Variants in ESR1 observed in about 807,000 individuals in gnomAD.
ESR1 encodes estrogen receptor.
Under a neutral mutation model 52.7 loss-of-function variants are expected in ESR1, and 12 were observed. The ratio of observed to expected loss-of-function variants is 0.23; its 90% CI spans 0.15 to 0.37. The LOEUF is 0.37. Among genes scored for constraint, ESR1 ranks in the 10% least tolerant of loss-of-function variants. ESR1 has a pLI of 1.00. For synonymous variants in ESR1, 305 were observed against 316.8 expected (o/e 0.96, Z 0.39); for missense variants, 584 against 779.7 (o/e 0.75, Z 2.99).
chr6:151,808,862 C>T (rs1778324366), intron 1 of ESR1, among the ~76,000 whole-genome samples: 1 of 152,120 alleles, frequency 6.6e-6, no homozygotes, highest in Admixed American at 6.6e-5. Context: ...TTCATCTAGA[C>T]TATTTGATTG....
intron 1 of ESR1, among the ~76,000 whole-genome samples, chr6:151,810,461 T>C (rs1314273460): frequency 6.6e-6 from 1 of 152,176 alleles, no homozygotes; most frequent in African/African-American, 2.4e-5. Flanking sequence ...TTATTTAGTA[T>C]TTTTCCCCTC....
chr6:151,824,923 A>AAAAAAAAAG (rs1781231772), intron 1 of ESR1, among the ~76,000 whole-genome samples: 1 of 151,812 alleles, frequency 6.6e-6, no homozygotes, highest in Non-Finnish European at 1.5e-5. Context: ...TCCATCTCAA[A>AAAAAAAAAG]AAAAAAAAGA....
chr6:152,071,776 C>T (rs557869945), intron 6 of ESR1, among the ~76,000 whole-genome samples: 4 of 152,254 alleles, frequency 2.6e-5, no homozygotes, highest in African/African-American at 4.8e-5. Context: ...CTGTTAAACA[C>T]GTAAGTGATT....
chr6:151,750,097 A>G (rs986583118), intron 2 of ESR1, among the ~76,000 whole-genome samples: 2 of 152,170 alleles, frequency 1.3e-5, no homozygotes, highest in Non-Finnish European at 2.9e-5. Flanking sequence ...CATGTAAACT[A>G]ATACCTACTT....
chr6:151,675,141 G>A (rs1490045455), intron 1 of ESR1, among the ~76,000 whole-genome samples: 4 of 152,164 alleles, frequency 2.6e-5, no homozygotes, highest in African/African-American at 9.7e-5. Flanking sequence ...AGAAGCAAGT[G>A]CTGTTATATT....
intron 2 of ESR1, among the ~76,000 whole-genome samples, chr6:151,868,248 C>T (rs1045147509): frequency 3.3e-5 from 5 of 152,130 alleles, no homozygotes; most frequent in Admixed American, 2.0e-4. Flanking sequence ...CTGCCTCAGC[C>T]TCCCAAGTAG....
intron 1 of ESR1, among the ~76,000 whole-genome samples, chr6:151,831,745 G>C (rs1255899714): frequency 6.6e-6 from 1 of 152,128 alleles, no homozygotes; most frequent in Non-Finnish European, 1.5e-5. Context: ...TACTTTCAAG[G>C]GTTAAATGAA....
chr6:152,007,604 A>G (rs1229549749), intron 4 of ESR1, among the ~76,000 whole-genome samples: 1 of 152,096 alleles, frequency 6.6e-6, no homozygotes, highest in African/African-American at 2.4e-5. Context: ...TGCTTTTAAA[A>G]AACTTTATTT....
At chr6:151,814,802 C>G (rs557380838) in intron 1 of ESR1, among the ~76,000 whole-genome samples, 1 of 152,306 alleles carries the variant, frequency 6.6e-6, no homozygotes, top group African/African-American at 2.4e-5. Context: ...GCAGTTCATG[C>G]AACAGCATTG....
At chr6:151,791,448 C>T (rs1302537604) in intron 2 of ESR1, among the ~76,000 whole-genome samples, 1 of 152,198 alleles carries the variant, frequency 6.6e-6, no homozygotes, top group Non-Finnish European at 1.5e-5. Flanking sequence ...GCCTTCCCAG[C>T]CATGTGGAAC....
chr6:151,725,671 A>G (rs1781784939), intron 2 of ESR1, among the ~76,000 whole-genome samples: 1 of 152,232 alleles, frequency 6.6e-6, no homozygotes, highest in Admixed American at 6.5e-5. Flanking sequence ...TTGTGGCAAC[A>G]TATTGCTTCC....
At chr6:151,897,144 T>C (rs539085432) in intron 3 of ESR1, among the ~76,000 whole-genome samples, 2 of 152,352 alleles carry the variant, frequency 1.3e-5, no homozygotes, top group East Asian at 3.9e-4. Flanking sequence ...ATGAATAGAA[T>C]GTATATTCTG....
intron 2 of ESR1, among the ~76,000 whole-genome samples, chr6:151,796,165 CAAA>C (rs546866561): frequency 6.3e-5 from 5 of 79,032 alleles, no homozygotes; most frequent in Non-Finnish European, 5.0e-5. Flanking sequence ...GACTCCGTCT[CAAA>C]AAAAAAAAAA....
intron 5 of ESR1, among the ~76,000 whole-genome samples, chr6:152,029,167 T>C (rs1249554176): frequency 6.6e-6 from 1 of 151,998 alleles, no homozygotes; most frequent in Admixed American, 6.5e-5. Flanking sequence ...AGACCAAAGG[T>C]AGATAAATCC....
intron 4 of ESR1, among the ~76,000 whole-genome samples, chr6:151,959,896 A>G (rs1248445437): frequency 6.6e-6 from 1 of 152,206 alleles, no homozygotes; most frequent in Non-Finnish European, 1.5e-5. Context: ...ACTACTCTAT[A>G]TGATCACCAA....
At chr6:151,831,423 A>G (rs749271315) in intron 1 of ESR1, among the ~76,000 whole-genome samples, 6 of 152,140 alleles carry the variant, frequency 3.9e-5, no homozygotes, top group Admixed American at 6.6e-5. Flanking sequence ...TACAGGTGTG[A>G]GCTACCATGC....
downstream of ESR1, among the ~76,000 whole-genome samples, chr6:152,107,220 C>CT (rs2051077964): frequency 1.3e-5 from 2 of 152,120 alleles, no homozygotes; most frequent in Non-Finnish European, 2.9e-5. Flanking sequence ...TGCTGAGACT[C>CT]TCTTTACATA....
At chr6:151,666,703 C>CCT (rs1008215467) in intron 1 of ESR1, among the ~76,000 whole-genome samples, 31 of 88,402 alleles carry the variant, frequency 3.5e-4, no homozygotes, top group Admixed American at 2.6e-3. Flanking sequence ...TCCCCCTCCT[C>CCT]CTCCTCCTCC....
intron 5 of ESR1, among the ~76,000 whole-genome samples, chr6:152,043,870 T>C (rs544466477): frequency 2.6e-5 from 4 of 152,324 alleles, no homozygotes; most frequent in Admixed American, 1.3e-4. Flanking sequence ...GGCAAGGCTG[T>C]GCACGTACCT....
Sources: gnomAD v4.1 joint callset for allele counts (sites outside exome capture counted in the v4.1 genomes callset) on GRCh38, gnomAD v4.1.1 for gene constraint, MANE v1.5 for transcripts, NCBI Gene and HGNC (gene_info 2026-07-23, HGNC 2026-07-21) for gene names.